The following NUP85 variants were observed in gnomAD, a reference collection of about 807,000 sequenced individuals.
The protein encoded by NUP85 is nuclear pore complex protein Nup85.
NUP85 carries 23 observed loss-of-function variants against 92.8 expected under a neutral mutation model. The observed-to-expected ratio is 0.25, with a 90% CI of 0.18 to 0.35. The LOEUF is 0.35. NUP85 is among the 10% of genes least tolerant of loss of function. NUP85 has a pLI of 1.00. For synonymous variants in NUP85, 314 were observed against 306.9 expected (o/e 1.02, Z -0.24); for missense variants, 759 against 822.8 (o/e 0.92, Z 0.95).
intron 6 of NUP85, among the ~76,000 whole-genome samples, chr17:75,217,480 A>G (rs1234693574): frequency 6.6e-6 from 1 of 151,800 alleles, no homozygotes; most frequent in Non-Finnish European, 1.5e-5. Flanking sequence ...GGGATTACAG[A>G]CATGAACTAC....
chr17:75,218,607 T>TTTTTTG (rs2075504750), intron 7 of NUP85, among the ~76,000 whole-genome samples: 2 of 147,738 alleles, frequency 1.4e-5, no homozygotes, highest in Admixed American at 6.9e-5. Flanking sequence ...TTTTTTTTTT[T>TTTTTTG]GAGACAGGGT....
chr17:75,217,334 A>G (rs2075460992), intron 6 of NUP85, among the ~76,000 whole-genome samples: 1 of 151,506 alleles, frequency 6.6e-6, no homozygotes, highest in Non-Finnish European at 1.5e-5. Flanking sequence ...TGCTGGGATT[A>G]TAGGCGTGAG....
At chr17:75,222,591 T>C (rs1290885990) in intron 7 of NUP85, among the ~76,000 whole-genome samples, 3 of 146,388 alleles carry the variant, frequency 2.0e-5, no homozygotes, top group Non-Finnish European at 4.5e-5. Context: ...TTAGTGAATA[T>C]TGAACCATTG....
rs192644011 is a variant in NUP85 at position 75,207,006 on chromosome 17, C to T, written c.33+1212C>T. Among the ~76,000 whole-genome samples, 7 of 152,072 alleles carry T rather than the reference C, an allele frequency of 4.6e-5. No homozygotes were observed. In the South Asian group the frequency reaches 1.0e-3, roughly 23 times the overall value. The stretch of plus-strand genomic sequence containing the variant: ...ACAGGCGTGAGCCACCGCACCCGGC[C>T]GATTTCTGGTCTTTTACTTGTGAAG... On this transcript the variant is annotated intron_variant, in intron 1 of 18. Transcript: ENST00000245544.
rs1414771025 is a variant in NUP85, at chr17:75,212,075, T to TGC, written c.361+17_361+18dup. On this transcript the variant is annotated intron_variant, in intron 4 of 18. Transcript: ENST00000245544. ...CACCAGGTTGCAAGTAAGGACTGTGTGCGCGTGCGCGCGTGTGTGTGTGTG... is the reference window on the plus strand; with the variant it reads ...CACCAGGTTGCAAGTAAGGACTGTGTGCGCGCGTGCGCGCGTGTGTGTGTGTG... 2 of 1,506,972 alleles carry TGC rather than the reference T, an allele frequency of 1.3e-6. No homozygotes were observed. Among genetic ancestry groups the TGC allele is most frequent in the South Asian group, 1.2e-5 (1 of 86,918 alleles). 93.4% of individuals were successfully genotyped at this position (1,506,972 alleles called of 1,614,324 possible). A position where few individuals can be genotyped will look rare whatever the true frequency, so the allele number is the denominator to read the frequency against.
Position 75,234,702 on chromosome 17 carries a change from C to A in NUP85, c.1681C>A (p.Leu561Met), listed in dbSNP as rs750025024. The change falls in exon 17 of 19, where the codon CTG becomes ATG. Residue 561 changes from leucine (L) to methionine (M), a missense_variant. Physicochemically the swap from Leu to Met is conservative, Grantham distance 15 (BLOSUM62 2). Transcript: ENST00000245544. ...TTTTGCCGACGCAGCTTCTCTCCTT[C>A]TGTCCTTGATGACGTCTCGGATTGC... ...KRFADAASLL[L>M]SLMTSRIAPR... 1 of 1,614,224 alleles carries A rather than the reference C, an allele frequency of 6.2e-7. No homozygotes were observed. Among genetic ancestry groups the A allele is most frequent in the East Asian group, 2.2e-5 (1 of 44,888 alleles).
chr17:75,233,334 A>G (rs907430366), intron 16 of NUP85, among the ~76,000 whole-genome samples, 176 bp downstream of exon 16: 6 of 150,260 alleles, frequency 4.0e-5, no homozygotes, highest in Non-Finnish European at 7.4e-5. Flanking sequence ...ACATCTCCTT[A>G]GTGCCTCCAT....
At chr17:75,233,383 CTT>C (rs746039097) in intron 16 of NUP85, among the ~76,000 whole-genome samples, 16 of 59,040 alleles carry the variant, frequency 2.7e-4, no homozygotes, top group African/African-American at 5.9e-4. Context: ...TTCTTTCTCT[CTT>C]TCTTTCTCTT....
Position 75,212,228 on chromosome 17 carries a change from GGT to G in NUP85, c.361+167_361+168del, listed in dbSNP as rs1491396374. ...CTTACTTTTTTGGTAATCATTTAGA[GGT>G]TTTTTTTTTTGTTGTTGTTTTTTTT... On this transcript the variant is annotated intron_variant, in intron 4 of 18. Transcript: ENST00000245544. Among the ~76,000 whole-genome samples, 11 of 84,542 alleles carry G rather than the reference GGT, an allele frequency of 1.3e-4. 2 individuals are homozygous for G. Among genetic ancestry groups the G allele is most frequent in the Admixed American group, 1.4e-4 (1 of 6,934 alleles). 55.5% of individuals were successfully genotyped at this position (84,542 alleles called of 152,430 possible). A position where few individuals can be genotyped will look rare whatever the true frequency, so the allele number is the denominator to read the frequency against.
chr17:75,209,818 T>G lies in NUP85; in HGVS notation c.128-5T>G. 1.3e-6 allele frequency: 2 copies of G among 1,574,996 alleles called. No individual in the cohort carries two copies. The highest frequency in any genetic ancestry group is 1.7e-6 in the Non-Finnish European group (2 of 1,169,246). ...GTTAAATTTTTTTTTTCTGTTTGGT[T>G]TCAGAAAAATCAGAGATGGTGCCAA... On this transcript the variant is annotated splice_polypyrimidine_tract_variant and splice_region_variant and intron_variant, in intron 2 of 18. Transcript: ENST00000245544.
At chr17:75,223,044 A>AAAC (rs1568081274) in intron 7 of NUP85, among the ~76,000 whole-genome samples, 2 of 147,036 alleles carry the variant, frequency 1.4e-5, no homozygotes, top group Non-Finnish European at 1.5e-5. Flanking sequence ...AAAAAAAAAA[A>AAAC]AAAAAAAAAA....
intron 3 of NUP85, 40 bp downstream of exon 3, chr17:75,210,025 C>T: frequency 6.4e-7 from 1 of 1,560,242 alleles, no homozygotes; most frequent in East Asian, 2.3e-5. Flanking sequence ...CCACACTACA[C>T]TGTGGAAAGC....
intron 14 of NUP85, 77 bp downstream of exon 14, chr17:75,232,056 A>G (rs1019274040): frequency 6.7e-7 from 1 of 1,490,954 alleles, no homozygotes; most frequent in South Asian, 1.2e-5. Flanking sequence ...CTTTATGCCT[A>G]CCCCAGCCAT....
chr17:75,225,857 G>C (rs761343408), intron 10 of NUP85, 28 bp downstream of exon 10: 5 of 1,613,244 alleles, frequency 3.1e-6, no homozygotes, highest in African/African-American at 2.7e-5. Context: ...GGGCAAGGGT[G>C]GGGGTAGGAG....
intron 11 of NUP85, chr17:75,226,836 C>A: frequency 2.3e-6 from 1 of 426,670 alleles, no homozygotes; most frequent in Non-Finnish European, 4.7e-6. Context: ...ACCTAATGGA[C>A]ACCTTATGGG....
chr17:75,235,469 G>A lies in NUP85; in HGVS notation c.1870-109G>A, dbSNP rs534040255. On this transcript the variant is annotated intron_variant, in intron 18 of 18. Coordinates refer to ENST00000245544, the MANE Select transcript of NUP85 (RefSeq NM_024844.5). Reference sequence around the variant, plus strand: ...CTTTTACATCGATAATTTGCTGGAAGCTACTATGAATGTTAAGTGCCCTCT... The same window carrying A: ...CTTTTACATCGATAATTTGCTGGAAACTACTATGAATGTTAAGTGCCCTCT... 5 of 733,294 alleles carry A rather than the reference G, an allele frequency of 6.8e-6. No homozygotes were observed. The African/African-American group carries it at 8.8e-5, about 13-fold the overall frequency. The allele number at this position is 733,294 out of a possible 1,614,324, so 45.4% of individuals were successfully genotyped here.
At chr17:75,229,504 T>A (rs1377817440) in intron 11 of NUP85, among the ~76,000 whole-genome samples, 2 of 152,196 alleles carry the variant, frequency 1.3e-5, no homozygotes, top group African/African-American at 4.8e-5. Context: ...CTTTCTTGCC[T>A]TGAATGTTAA....
Position 75,230,422 on chromosome 17 carries a change from C to T in NUP85, c.1095-918C>T, listed in dbSNP as rs145295241. On this transcript the variant is annotated intron_variant, in intron 11 of 18. Coordinates refer to ENST00000245544, the MANE Select transcript of NUP85 (RefSeq NM_024844.5). ...TCGCCCAGGCCGGAGTACAATGGCG[C>T]GATCTCGTCTCACTGCAAGCCCCGC... Among the ~76,000 whole-genome samples, 804 of 149,598 alleles carry T rather than the reference C, an allele frequency of 5.4e-3. 6 individuals are homozygous for T. Among genetic ancestry groups the T allele is most frequent in the African/African-American group, 0.019 (749 of 40,078 alleles).
chr17:75,207,430 C>G (rs1222931318), intron 1 of NUP85, among the ~76,000 whole-genome samples: 1 of 151,938 alleles, frequency 6.6e-6, no homozygotes, highest in Non-Finnish European at 1.5e-5. Context: ...GGTGATCTGC[C>G]GGCCTCAGTC....
Sources: allele counts gnomAD v4.1 joint callset (sites outside exome capture counted in the v4.1 genomes callset), GRCh38; gene constraint gnomAD v4.1.1; transcripts MANE v1.5; gene names NCBI Gene and HGNC (gene_info 2026-07-23, HGNC 2026-07-21).